SEMA5A: variants seen among roughly 807,000 people sequenced by gnomAD.
SEMA5A encodes the protein semaphorin 5A.
A neutral mutation model predicts 135.5 loss-of-function variants in SEMA5A; 55 were observed. The ratio of observed to expected loss-of-function variants is 0.41; its 90% confidence interval spans 0.33 to 0.51. SEMA5A has a LOEUF of 0.51. SEMA5A is among the 20% of genes least tolerant of loss of function. The pLI is 0.37. For synonymous variants in SEMA5A, 580 were observed against 546.5 expected, an observed-to-expected ratio of 1.06 and a Z score of -0.85; for missense variants, 1,290 against 1,419.9, an observed-to-expected ratio of 0.91 and a Z score of 1.47.
At chr5:9,080,998 T>A (rs763016676) in intron 16 of SEMA5A, among the ~76,000 whole-genome samples, 5 of 152,190 alleles carry the variant, frequency 3.3e-5, no homozygotes, top group Non-Finnish European at 5.9e-5. Context: ...ATCCACAACC[T>A]CCTCGTACCT....
At chr5:9,109,696 C>G (rs1740138716) in intron 15 of SEMA5A, among the ~76,000 whole-genome samples, 1 of 152,158 alleles carries the variant, frequency 6.6e-6, no homozygotes, top group Admixed American at 6.5e-5. Flanking sequence ...TCCTGCAGGG[C>G]CTATGCAACA....
chr5:9,339,160 C>A (rs1196541742), intron 3 of SEMA5A, among the ~76,000 whole-genome samples: 3 of 152,098 alleles, frequency 2.0e-5, no homozygotes, highest in African/African-American at 7.2e-5. Context: ...TATTAATAAT[C>A]CTTCCAGGAC....
chr5:9,291,998 AT>A (rs1751108559), intron 5 of SEMA5A, among the ~76,000 whole-genome samples: 1 of 152,028 alleles, frequency 6.6e-6, no homozygotes, highest in South Asian at 2.1e-4. Context: ...CCTACCTGGG[AT>A]TTGCGGTGAG....
intron 4 of SEMA5A, 108 bp from the exon 5 acceptor site, chr5:9,318,525 ATCT>A (rs1254963628): frequency 2.3e-6 from 2 of 886,126 alleles, no homozygotes; most frequent in Admixed American, 4.7e-5. Context: ...CTTCAAAAGC[ATCT>A]TCTTTCTAAG....
intron 5 of SEMA5A, among the ~76,000 whole-genome samples, chr5:9,249,024 C>T (rs920449448): frequency 1.1e-4 from 16 of 152,114 alleles, no homozygotes; most frequent in African/African-American, 2.9e-4. Context: ...CACACTCAAG[C>T]GAGTTTAGGA....
intron 1 of SEMA5A, among the ~76,000 whole-genome samples, chr5:9,455,734 A>C (rs1186349240): frequency 6.6e-6 from 1 of 152,218 alleles, no homozygotes; most frequent in Non-Finnish European, 1.5e-5. Context: ...AGGCTCTAAA[A>C]TTCCCCCAAT....
At chr5:9,156,573 T>C (rs1742968349) in intron 11 of SEMA5A, among the ~76,000 whole-genome samples, 1 of 152,134 alleles carries the variant, frequency 6.6e-6, no homozygotes, top group Admixed American at 6.5e-5. Flanking sequence ...GCAAGGCTCA[T>C]GGGAGAACTT....
chr5:9,157,467 AG>A (rs1421457506), intron 11 of SEMA5A, among the ~76,000 whole-genome samples: 1 of 152,188 alleles, frequency 6.6e-6, no homozygotes, highest in Non-Finnish European at 1.5e-5. Flanking sequence ...AAGGGACAGC[AG>A]CACCATAATC....
At chr5:9,188,361 C>G (rs376935323) in intron 11 of SEMA5A, among the ~76,000 whole-genome samples, 1 of 152,192 alleles carries the variant, frequency 6.6e-6, no homozygotes, top group Non-Finnish European at 1.5e-5. Context: ...GACTAAGACA[C>G]TCATCAAAGT....
chr5:9,342,364 G>A (rs1361105757), intron 3 of SEMA5A, among the ~76,000 whole-genome samples: 1 of 152,178 alleles, frequency 6.6e-6, no homozygotes, highest in Non-Finnish European at 1.5e-5. Flanking sequence ...ACACTGACCA[G>A]GGAAACCTCC....
intron 1 of SEMA5A, among the ~76,000 whole-genome samples, chr5:9,506,062 A>C (rs1309528744): frequency 6.6e-6 from 1 of 150,988 alleles, no homozygotes; most frequent in Non-Finnish European, 1.5e-5. Context: ...CATCCACCAG[A>C]ATAATTTACA....
At chr5:9,066,696 C>T (rs188549950) in intron 16 of SEMA5A, 50 bp from the exon 17 acceptor site, 5 of 1,512,408 alleles carry the variant, frequency 3.3e-6, no homozygotes, top group Non-Finnish European at 4.6e-6. Context: ...AACAGAGCAA[C>T]CTCACGAAGG....
At chr5:9,275,312 A>G (rs1393959406) in intron 5 of SEMA5A, among the ~76,000 whole-genome samples, 1 of 152,168 alleles carries the variant, frequency 6.6e-6, no homozygotes, top group Non-Finnish European at 1.5e-5. Context: ...TAGACCAATA[A>G]CAAGTTCTAA....
In SEMA5A at chr5:9,233,472, T is replaced by C. The variant is rs555580514; in HGVS notation, c.333+4356A>G. On this transcript the variant is annotated intron_variant, in intron 6 of 22. Transcript: ENST00000382496. ...AAACAGATTCCCCACCCCCACTTTT[T>C]TTCCCCCATGGAATATTTAAGCCAT... Among the ~76,000 whole-genome samples the C allele has an allele frequency of 7.3e-4, 111 of 152,260 alleles. 1 individual carries two copies. Among genetic ancestry groups the C allele is most frequent in the African/African-American group, 2.6e-3 (106 of 41,546 alleles).
rs1747214892 is a variant in SEMA5A at position 9,225,000 on chromosome 5, G to A, written c.433-113C>T. 17 of 986,464 alleles carry A rather than the reference G, an allele frequency of 1.7e-5. 1 individual carries two copies. The highest frequency in any genetic ancestry group is 1.5e-4 in the South Asian group (9 of 59,200). The allele number at this position is 986,464 out of a possible 1,614,324, so 61.1% of individuals were successfully genotyped here. A position where few individuals can be genotyped will look rare whatever the true frequency, so the allele number is the denominator to read the frequency against. On this transcript the variant is annotated intron_variant, in intron 7 of 22. Coordinates refer to ENST00000382496, the MANE Select transcript of SEMA5A (RefSeq NM_003966.3). Reference sequence around the variant, plus strand: ...ACGCTTGTGCAACAGCCTCTCGGGGGCCCATGGGGCAAGATGACCAACTTT... The same window carrying A: ...ACGCTTGTGCAACAGCCTCTCGGGGACCCATGGGGCAAGATGACCAACTTT...
At chr5:9,189,484 T>C (rs1744983644) in intron 11 of SEMA5A, among the ~76,000 whole-genome samples, 1 of 151,880 alleles carries the variant, frequency 6.6e-6, no homozygotes, top group South Asian at 2.1e-4. Context: ...ATGTATATTA[T>C]TATCAGCAAC....
intron 3 of SEMA5A, among the ~76,000 whole-genome samples, chr5:9,376,484 G>C (rs1322213675): frequency 6.6e-6 from 1 of 152,182 alleles, no homozygotes; most frequent in Admixed American, 6.5e-5. Context: ...CTACAGCCCA[G>C]GATGTGGGCT....
intron 1 of SEMA5A, among the ~76,000 whole-genome samples, chr5:9,543,988 T>G (rs1199506366): frequency 6.6e-6 from 1 of 152,202 alleles, no homozygotes; most frequent in Non-Finnish European, 1.5e-5. Context: ...TTGTGTAAAG[T>G]GGTCATGATA....
At position 9,037,522 on chromosome 5, in the gene SEMA5A, G is replaced by GATCT. The variant is rs1439671905; in HGVS notation, c.*5371_*5374dup. On this transcript the variant is annotated 3_prime_UTR_variant, in exon 23 of 23. Coordinates refer to ENST00000382496, the MANE Select transcript of SEMA5A (RefSeq NM_003966.3). ...ACAGATGACCACTGAGTATATCTTT[G>GATCT]ATCTATCTGCTAAAACAATGTGTAC... is the stretch of plus-strand genomic sequence containing the variant. 2 of 152,110 alleles carry GATCT rather than the reference G, an allele frequency of 1.3e-5. No homozygotes were observed. Among genetic ancestry groups the GATCT allele is most frequent in the Non-Finnish European group, 1.5e-5 (1 of 68,018 alleles). The allele number at this position is 152,110 out of a possible 1,614,324, so 9.4% of individuals were successfully genotyped here. A position where few individuals can be genotyped will look rare whatever the true frequency, so the allele number is the denominator to read the frequency against.
Sources: allele counts gnomAD v4.1 joint callset (sites outside exome capture counted in the v4.1 genomes callset), GRCh38; gene constraint gnomAD v4.1.1; transcripts MANE v1.5; gene names NCBI Gene and HGNC (gene_info 2026-07-23, HGNC 2026-07-21).